Variants in NRG3 observed in about 807,000 individuals in gnomAD.
NRG3 encodes the protein neuregulin 3, also known as pro-neuregulin-3, membrane-bound isoform.
NRG3 carries 31 observed loss-of-function variants against 66.9 expected under a neutral mutation model. The ratio of observed to expected loss-of-function variants is 0.46; its 90% CI spans 0.35 to 0.63. The LOEUF is 0.63. Ranked by LOEUF, NRG3 falls within the 20% of genes least tolerant of loss-of-function variation. The probability of loss-of-function intolerance (pLI) is 0.00; values close to 1 mark genes in which losing one functional copy is unlikely to be tolerated. For synonymous variants in NRG3, 393 were observed against 359.4 expected (o/e 1.09, Z -1.06); for missense variants, 910 against 878.9 (o/e 1.04, Z -0.45).
At chr10:81,990,172 G>A (rs902572272) in intron 1 of NRG3, among the ~76,000 whole-genome samples, 3 of 152,108 alleles carry the variant, frequency 2.0e-5, no homozygotes, top group African/African-American at 4.8e-5. Flanking sequence ...TCTGTAAAAC[G>A]GTGGAGTAGC....
At chr10:82,371,141 C>A (rs534516783) in intron 2 of NRG3, among the ~76,000 whole-genome samples, 4 of 152,056 alleles carry the variant, frequency 2.6e-5, no homozygotes, top group Non-Finnish European at 5.9e-5. Flanking sequence ...ACACAATGGG[C>A]AGATTCTGAC....
chr10:82,191,613 T>C lies in NRG3; in HGVS notation c.824-167126T>C, dbSNP rs776163153. ...ATTAATAATGTAGAGCAAAATGCAG[T>C]CTCAGGTGTGTATACCACCAAGATG... On this transcript the variant is annotated intron_variant, in intron 1 of 8. Transcript: ENST00000372141. Among the ~76,000 whole-genome samples, 69 of 152,188 alleles carry C rather than the reference T, an allele frequency of 4.5e-4. 2 individuals carry two copies. The highest frequency in any genetic ancestry group is 7.3e-5 in the Non-Finnish European group (5 of 68,030).
chr10:82,827,565 T>G (rs2062298556), intron 3 of NRG3, among the ~76,000 whole-genome samples: 1 of 152,140 alleles, frequency 6.6e-6, no homozygotes, highest in Non-Finnish European at 1.5e-5. Context: ...AAGCAAAGGG[T>G]GGACTTTTAA....
intron 1 of NRG3, among the ~76,000 whole-genome samples, chr10:82,058,438 C>T (rs763988077): frequency 6.6e-6 from 1 of 151,648 alleles, no homozygotes; most frequent in Non-Finnish European, 1.5e-5. Flanking sequence ...CTAGTTCTTC[C>T]TAGAATTAAT....
chr10:82,005,897 T>TTGTG (rs58906037), intron 1 of NRG3, among the ~76,000 whole-genome samples: 3,969 of 148,772 alleles, frequency 0.027, 105 homozygotes, highest in East Asian at 0.082. Flanking sequence ...AATGTGTATT[T>TTGTG]TGTGTGTGTG....
intron 1 of NRG3, among the ~76,000 whole-genome samples, chr10:81,912,037 C>T (rs1056762824): frequency 6.6e-6 from 1 of 152,128 alleles, no homozygotes; most frequent in African/African-American, 2.4e-5. Context: ...ATTATACTCA[C>T]CAGAAAAAAA....
intron 1 of NRG3, among the ~76,000 whole-genome samples, chr10:82,031,114 A>G (rs1256211334): frequency 1.3e-5 from 2 of 152,138 alleles, no homozygotes; most frequent in Non-Finnish European, 2.9e-5. Context: ...ATTTTACAGT[A>G]CCTGTCATAG....
intron 1 of NRG3, among the ~76,000 whole-genome samples, chr10:82,309,045 C>T (rs2080890997): frequency 6.6e-6 from 1 of 152,192 alleles, no homozygotes; most frequent in Non-Finnish European, 1.5e-5. Flanking sequence ...ATGATACCAT[C>T]ATTTTTCTTC....
chr10:82,624,423 C>A (rs1379088261), intron 2 of NRG3, among the ~76,000 whole-genome samples: 1 of 152,080 alleles, frequency 6.6e-6, no homozygotes, highest in Admixed American at 6.6e-5. Flanking sequence ...CCCACCTTAA[C>A]CATTCTCCTT....
At chr10:82,703,197 T>C (rs2056030091) in intron 2 of NRG3, among the ~76,000 whole-genome samples, 1 of 152,098 alleles carries the variant, frequency 6.6e-6, no homozygotes, top group Admixed American at 6.6e-5. Flanking sequence ...AAAATGCATT[T>C]TATAATAAAT....
chr10:82,630,350 G>A (rs2049731695), intron 2 of NRG3, among the ~76,000 whole-genome samples: 2 of 100,836 alleles, frequency 2.0e-5, no homozygotes. Context: ...GATATATATG[G>A]TTTTCTTTTT....
intron 2 of NRG3, among the ~76,000 whole-genome samples, chr10:82,522,921 A>G (rs933747417): frequency 3.9e-5 from 6 of 152,104 alleles, no homozygotes; most frequent in Non-Finnish European, 7.4e-5. Flanking sequence ...TTACCTCTCA[A>G]TGCCCCATCC....
chr10:82,265,295 A>C (rs1284442192), intron 1 of NRG3, among the ~76,000 whole-genome samples: 1 of 152,128 alleles, frequency 6.6e-6, no homozygotes, highest in Non-Finnish European at 1.5e-5. Flanking sequence ...GGATTTTGAC[A>C]ATGGAAGGAC....
At chr10:82,277,927 A>T (rs2078934862) in intron 1 of NRG3, among the ~76,000 whole-genome samples, 2 of 152,140 alleles carry the variant, frequency 1.3e-5, no homozygotes, top group Admixed American at 1.3e-4. Context: ...GCTTTGGAGG[A>T]GTCAATAAGA....
At chr10:82,111,332 G>A (rs1311435012) in intron 1 of NRG3, among the ~76,000 whole-genome samples, 2 of 152,068 alleles carry the variant, frequency 1.3e-5, no homozygotes, top group Non-Finnish European at 1.5e-5. Context: ...CTCCCTCATT[G>A]TATCTTTCAA....
intron 2 of NRG3, among the ~76,000 whole-genome samples, chr10:82,511,172 C>A (rs1181069851): frequency 2.0e-5 from 3 of 152,002 alleles, no homozygotes; most frequent in Admixed American, 6.6e-5. Context: ...TTCTGACATT[C>A]AGATCATTTG....
In NRG3 at chr10:82,959,051, G is replaced by A; in HGVS notation, c.1260G>A (p.Val420=). The change falls in exon 6 of 9, where the codon GTG becomes GTA. Residue 420 remains valine (V), a synonymous_variant. Coordinates refer to ENST00000372141, the MANE Select transcript of NRG3 (RefSeq NM_001010848.4). ...SSTMAKSENL[V]KSHVQLQNYS... The stretch of plus-strand genomic sequence containing the variant: ...CAATGGCAAAGTCAGAGAACTTGGT[G>A]AAGAGCCATGTCCAGCTGCAAAATG... The A allele has an allele frequency of 1.9e-6, 3 of 1,605,252 alleles. No individual in the cohort carries two copies. The highest frequency in any genetic ancestry group is 1.3e-5 in the African/African-American group (1 of 74,438).
At chr10:82,539,954 T>G (rs1382179020) in intron 2 of NRG3, among the ~76,000 whole-genome samples, 1 of 152,160 alleles carries the variant, frequency 6.6e-6, no homozygotes, top group East Asian at 1.9e-4. Flanking sequence ...TTTTTTATAT[T>G]AATATAATCA....
At chr10:82,142,942 G>A (rs1433772928) in intron 1 of NRG3, among the ~76,000 whole-genome samples, 1 of 103,216 alleles carries the variant, frequency 9.7e-6, no homozygotes, top group Non-Finnish European at 2.0e-5. Flanking sequence ...TTTTTTTTTT[G>A]GTTTCTGGTA....
Sources: allele counts gnomAD v4.1 joint callset (sites outside exome capture counted in the v4.1 genomes callset), GRCh38; gene constraint gnomAD v4.1.1; transcripts MANE v1.5; gene names NCBI Gene and HGNC (gene_info 2026-07-23, HGNC 2026-07-21).